The following PTPRN2 variants were observed in gnomAD, a reference collection of about 807,000 sequenced individuals.
The protein encoded by PTPRN2 is protein tyrosine phosphatase receptor type N2, also known as receptor-type tyrosine-protein phosphatase N2.
PTPRN2 carries 74 observed loss-of-function variants against 118.8 expected under a neutral mutation model. The ratio of observed to expected loss-of-function variants is 0.62; its 90% confidence interval spans 0.52 to 0.76. PTPRN2 has a LOEUF of 0.76. PTPRN2 is among the 30% of genes least tolerant of loss of function. The pLI, the probability that PTPRN2 is intolerant of heterozygous loss-of-function variation, is 0.00. For synonymous variants in PTPRN2, 641 were observed against 608.0 expected, an observed-to-expected ratio of 1.05 and a Z score of -0.80; for missense variants, 1,481 against 1,394.4, an observed-to-expected ratio of 1.06 and a Z score of -0.99.
At position 158,181,716 on chromosome 7, in the gene PTPRN2, T is replaced by A. The variant is rs551579205; in HGVS notation, c.549+10611A>T. ...TTCGTGTATTCATTTCTTCTAGATTTTCTAGTTTGTATGCATAGAAGTGTT... is the reference window on the plus strand; with the variant it reads ...TTCGTGTATTCATTTCTTCTAGATTATCTAGTTTGTATGCATAGAAGTGTT... On this transcript the variant is annotated intron_variant, in intron 5 of 22. Coordinates refer to ENST00000389418, the MANE Select transcript of PTPRN2 (RefSeq NM_002847.5). Among the ~76,000 whole-genome samples, 5 of 152,322 alleles carry A rather than the reference T, an allele frequency of 3.3e-5. No homozygotes were observed. The South Asian group carries it at 1.0e-3, about 32-fold the overall frequency.
intron 2 of PTPRN2, among the ~76,000 whole-genome samples, chr7:158,415,287 C>A (rs905928373): frequency 1.3e-5 from 2 of 152,148 alleles, no homozygotes; most frequent in Admixed American, 6.5e-5. Context: ...ACAAAAACAA[C>A]CTGTAGCAGG....
chr7:157,668,541 A>C (rs1796251675), intron 13 of PTPRN2, among the ~76,000 whole-genome samples: 1 of 152,194 alleles, frequency 6.6e-6, no homozygotes, highest in South Asian at 2.1e-4. Context: ...AAGTGGGTTC[A>C]CTGGGCTCTG....
At chr7:157,790,397 G>A (rs1804412242) in intron 12 of PTPRN2, among the ~76,000 whole-genome samples, 2 of 152,012 alleles carry the variant, frequency 1.3e-5, no homozygotes, top group African/African-American at 4.8e-5. Flanking sequence ...CTCAGGAACT[G>A]TCAAGCAATC....
At chr7:157,555,596 G>A (rs1798837521) in intron 21 of PTPRN2, among the ~76,000 whole-genome samples, 1 of 152,220 alleles carries the variant, frequency 6.6e-6, no homozygotes, top group African/African-American at 2.4e-5. Context: ...ATGGCTTCCG[G>A]CAGCCTGTTC....
intron 11 of PTPRN2, among the ~76,000 whole-genome samples, chr7:157,923,617 G>C (rs1001335510): frequency 2.0e-5 from 3 of 152,108 alleles, no homozygotes; most frequent in African/African-American, 7.2e-5. Context: ...ACCATTGATG[G>C]CTTCCATCCC....
intron 14 of PTPRN2, among the ~76,000 whole-genome samples, chr7:157,652,694 C>A (rs1490222797): frequency 6.6e-6 from 1 of 152,160 alleles, no homozygotes; most frequent in African/African-American, 2.4e-5. Context: ...CCTGAGACAC[C>A]AGCCTCTTCC....
chr7:158,188,848 G>T (rs1825522810), intron 5 of PTPRN2, among the ~76,000 whole-genome samples: 1 of 152,158 alleles, frequency 6.6e-6, no homozygotes, highest in Admixed American at 6.5e-5. Flanking sequence ...AGTGCAGTAA[G>T]CCAGGAATGG....
chr7:158,048,346 C>T (rs1395132299), intron 11 of PTPRN2, among the ~76,000 whole-genome samples: 1 of 152,110 alleles, frequency 6.6e-6, no homozygotes, highest in Non-Finnish European at 1.5e-5. Flanking sequence ...CTGCTAGCCA[C>T]GGGCATCTCC....
At chr7:157,738,672 G>GAGAA (rs757780377) in intron 12 of PTPRN2, among the ~76,000 whole-genome samples, 4 of 152,226 alleles carry the variant, frequency 2.6e-5, no homozygotes, top group African/African-American at 4.8e-5. Context: ...CTCATCACAG[G>GAGAA]AGAAATCAGA....
chr7:158,204,961 C>A (rs539026937), intron 4 of PTPRN2, among the ~76,000 whole-genome samples: 1 of 152,318 alleles, frequency 6.6e-6, no homozygotes, highest in Admixed American at 6.5e-5. Flanking sequence ...AACCCCTGGG[C>A]ATGTCTCTTA....
intron 13 of PTPRN2, among the ~76,000 whole-genome samples, chr7:157,672,241 G>A (rs768153046): frequency 1.7e-4 from 26 of 152,138 alleles, no homozygotes; most frequent in Non-Finnish European, 2.4e-4. Flanking sequence ...GGCGAGGAAG[G>A]GGAGCCTGGA....
rs1164881275 is a variant in PTPRN2 at position 157,794,972 on chromosome 7, A to G, written c.1788+103701T>C. Among the ~76,000 whole-genome samples, 1 of 152,202 alleles carries G rather than the reference A, an allele frequency of 6.6e-6. No homozygotes were observed. Among genetic ancestry groups the G allele is most frequent in the African/African-American group, 2.4e-5 (1 of 41,446 alleles). ...CTCACTTAGCGGGGATGCAATTATAAAGTATTGAAACTTCCTCTAAGACAT... is the reference window on the plus strand; with the variant it reads ...CTCACTTAGCGGGGATGCAATTATAGAGTATTGAAACTTCCTCTAAGACAT... On this transcript the variant is annotated intron_variant, in intron 12 of 22. Coordinates refer to ENST00000389418, the MANE Select transcript of PTPRN2 (RefSeq NM_002847.5). The surrounding 1 kb of genome is among the most constrained non-coding windows in gnomAD (Gnocchi z 5.2).
intron 2 of PTPRN2, among the ~76,000 whole-genome samples, chr7:158,462,245 C>T (rs1819060863): frequency 6.6e-6 from 1 of 152,202 alleles, no homozygotes; most frequent in South Asian, 2.1e-4. Flanking sequence ...GATGTCACTT[C>T]TCAAAGGCAG....
At chr7:157,572,468 A>G (rs957317492) in intron 19 of PTPRN2, among the ~76,000 whole-genome samples, 2 of 152,256 alleles carry the variant, frequency 1.3e-5, no homozygotes, top group African/African-American at 4.8e-5. Flanking sequence ...GAAAGTAAAC[A>G]TTCCATCAAC....
chr7:158,432,523 GC>G (rs1816293314), intron 2 of PTPRN2, among the ~76,000 whole-genome samples: 2 of 152,366 alleles, frequency 1.3e-5, no homozygotes, highest in South Asian at 4.1e-4. Context: ...TTAAACGCCT[GC>G]AGCCTCCTGC....
intron 11 of PTPRN2, among the ~76,000 whole-genome samples, chr7:158,048,668 TACCATCACCACTGTC>T: frequency 4.8e-5 from 1 of 20,632 alleles, no homozygotes. Context: ...TCACCATCAT[TACCATCACCACTGTC>T]ACCATCACAT....
chr7:157,747,495 G>A (rs1415232062), intron 12 of PTPRN2, among the ~76,000 whole-genome samples: 1 of 111,816 alleles, frequency 8.9e-6, no homozygotes, highest in Non-Finnish European at 1.7e-5. Flanking sequence ...TGAGGCCTGC[G>A]TCCCTGAGCT....
chr7:158,153,994 C>T (rs182089597), intron 6 of PTPRN2, among the ~76,000 whole-genome samples: 2 of 152,280 alleles, frequency 1.3e-5, no homozygotes, highest in Non-Finnish European at 2.9e-5. Flanking sequence ...CACAGCCATG[C>T]TGTAGGAACC....
chr7:158,376,830 A>G (rs59457688), intron 2 of PTPRN2, among the ~76,000 whole-genome samples: 46 of 64,220 alleles, frequency 7.2e-4, no homozygotes, highest in Admixed American at 6.9e-4. Flanking sequence ...CCTGTCACAC[A>G]TCCTGCACGC....
Sources: allele counts gnomAD v4.1 joint callset (sites outside exome capture counted in the v4.1 genomes callset), GRCh38; gene constraint gnomAD v4.1.1; non-coding constraint Gnocchi (gnomAD v3.1); transcripts MANE v1.5; gene names NCBI Gene and HGNC (gene_info 2026-07-23, HGNC 2026-07-21).